Variants in CLEC17A observed in about 807,000 individuals in gnomAD.
CLEC17A encodes C-type lectin domain family 17, member A.
Under a neutral mutation model 61.3 loss-of-function variants are expected in CLEC17A, and 37 were observed. The observed-to-expected ratio is 0.60, with a 90% CI of 0.46 to 0.79. The LOEUF is 0.79. Ranked by LOEUF, CLEC17A falls within the 30% of genes least tolerant of loss-of-function variation. CLEC17A has a pLI of 0.00. For missense variants in CLEC17A, 418 were observed against 464.7 expected (o/e 0.90, Z 0.92); for synonymous variants, 168 against 164.9 (o/e 1.02, Z -0.14).
At chr19:14,581,377 G>C (rs1295199628), upstream of CLEC17A, among the ~76,000 whole-genome samples, 1 of 152,186 alleles carries the variant, frequency 6.6e-6, no homozygotes. Context: ...AGGCTGGAAT[G>C]CAGTGGCGAG....
chr19:14,591,268 C>A (rs2146683675), intron 3 of CLEC17A, among the ~76,000 whole-genome samples: 1 of 147,052 alleles, frequency 6.8e-6, no homozygotes, highest in South Asian at 2.2e-4. Flanking sequence ...CATTCTCCTG[C>A]CTCAGCCTCC....
At chr19:14,581,684 C>T (rs2074184178), upstream of CLEC17A, among the ~76,000 whole-genome samples, 3 of 151,364 alleles carry the variant, frequency 2.0e-5, no homozygotes, top group Non-Finnish European at 4.4e-5. Flanking sequence ...TGGAGTTTCA[C>T]TCTTGTTGCC....
intron 10 of CLEC17A, 23 bp downstream of exon 10, chr19:14,597,184 T>A: frequency 6.3e-7 from 1 of 1,591,172 alleles, no homozygotes. Flanking sequence ...AGTCATTCCT[T>A]CATGCCACTC....
rs185812554 is a variant in CLEC17A, at chr19:14,597,761, G to A, written c.646+600G>A. On this transcript the variant is annotated intron_variant, in intron 10 of 13. Transcript: ENST00000417570. Reference sequence around the variant, plus strand: ...GACATAGGCGCATGCCATCACACCCGGCTGGTTAAAAAATTTTTTTTTTGT... The same window carrying A: ...GACATAGGCGCATGCCATCACACCCAGCTGGTTAAAAAATTTTTTTTTTGT... Among the ~76,000 whole-genome samples the A allele has an allele frequency of 2.2e-4, 33 of 150,726 alleles. 1 individual carries two copies. The highest frequency in any genetic ancestry group is 7.5e-4 in the African/African-American group (30 of 40,116).
intron 4 of CLEC17A, among the ~76,000 whole-genome samples, chr19:14,592,750 C>T (rs1008702362): frequency 2.6e-5 from 4 of 152,036 alleles, no homozygotes; most frequent in Admixed American, 1.3e-4. Flanking sequence ...ACTGCAACCT[C>T]GCCTCCTGGG....
At chr19:14,596,092 C>T (rs1272920158) in intron 8 of CLEC17A, among the ~76,000 whole-genome samples, 1 of 2,640 alleles carries the variant, frequency 3.8e-4, no homozygotes, top group African/African-American at 3.1e-3. Flanking sequence ...TCCAGAAACT[C>T]AGGTATCTGC....
chr19:14,610,122 A>G lies in CLEC17A; in HGVS notation c.1063A>G (p.Lys355Glu), dbSNP rs760662849. The G allele has an allele frequency of 1.2e-6, 2 of 1,611,376 alleles. No individual in the cohort carries two copies. The highest frequency in any genetic ancestry group is 1.7e-6 in the Non-Finnish European group (2 of 1,178,688). Reference protein sequence around the residue: ...IHDEDCATMNKGGTWNDLSCY... With the variant: ...IHDEDCATMNEGGTWNDLSCY... ...CGATGAGGACTGTGCTACCATGAAC[A>G]AAGGTGGCACCTGGAATGATCTCTC... Residue 355 changes from lysine to glutamate, a missense_variant, in exon 14 of 14, where the codon AAA (lysine) becomes GAA (glutamate). Transcript: ENST00000417570.
At chr19:14,601,077 A>G (rs1444310124) in intron 12 of CLEC17A, among the ~76,000 whole-genome samples, 2 of 150,986 alleles carry the variant, frequency 1.3e-5, no homozygotes, top group Non-Finnish European at 2.9e-5. Context: ...TAACTTTTGT[A>G]TTATTAGTAG....
At chr19:14,600,891 C>CTTTTTTT in intron 12 of CLEC17A, among the ~76,000 whole-genome samples, 1 of 63,220 alleles carries the variant, frequency 1.6e-5, no homozygotes, top group Non-Finnish European at 3.0e-5. Flanking sequence ...GCTCGGCCTT[C>CTTTTTTT]TTTTTTTTTT....
At chr19:14,604,482 C>T (rs1387686682) in intron 12 of CLEC17A, among the ~76,000 whole-genome samples, 1 of 152,012 alleles carries the variant, frequency 6.6e-6, no homozygotes, top group African/African-American at 2.4e-5. Flanking sequence ...TGTTTAAAGT[C>T]GGCCGGCTGC....
At chr19:14,599,678 T>C in intron 10 of CLEC17A, 39 bp from the exon 11 acceptor site, 1 of 1,458,912 alleles carries the variant, frequency 6.9e-7, no homozygotes, top group African/African-American at 1.4e-5. Context: ...GTAGGATGGG[T>C]TCTCAGTCTG....
chr19:14,600,591 T>TC (rs1426372261), intron 12 of CLEC17A, among the ~76,000 whole-genome samples: 4 of 151,970 alleles, frequency 2.6e-5, no homozygotes, highest in African/African-American at 9.7e-5. Context: ...TCTTTTCTTT[T>TC]TTTTTTTTGA....
At chr19:14,601,169 C>T (rs185690838) in intron 12 of CLEC17A, among the ~76,000 whole-genome samples, 8 of 152,062 alleles carry the variant, frequency 5.3e-5, no homozygotes, top group East Asian at 3.9e-4. Context: ...TCCCAAAGTG[C>T]GGGGATTATA....
Position 14,593,373 on chromosome 19 carries a change from G to A in CLEC17A, c.277+1015G>A, listed in dbSNP as rs545052257. Among the ~76,000 whole-genome samples, 77 of 151,418 alleles carry A rather than the reference G, an allele frequency of 5.1e-4. 1 individual carries two copies. Among genetic ancestry groups the A allele is most frequent in the Non-Finnish European group, 2.2e-4 (15 of 67,918 alleles). ...AAAAAAAGGGAAGTTTGGGCCAGGC[G>A]TGGTGGCTCATGCTTGTAATTCTAG... On this transcript the variant is annotated intron_variant, in intron 4 of 13. Transcript: ENST00000417570.
At chr19:14,588,339 A>C (rs1446027559) in intron 3 of CLEC17A, 2 of 152,408 alleles carry the variant, frequency 1.3e-5, no homozygotes, top group African/African-American at 4.9e-5. Flanking sequence ...AAAAAAAAAA[A>C]AACAAGTAGA....
chr19:14,599,762 G>A lies in CLEC17A; in HGVS notation c.692G>A (p.Arg231His), dbSNP rs777637590. Reference protein sequence around the residue: ...GLAGLKHDIARVRADTNQSLV... With the variant: ...GLAGLKHDIAHVRADTNQSLV... ...GCTGGCCTGAAGCATGACATTGCCC[G>A]TGTAAGAGCTGACACCAACCAGTCC... Residue 231 changes from arginine to histidine, a missense_variant, in exon 11 of 14, where the codon CGT becomes CAT. Physicochemically the swap from Arg to His is conservative, Grantham distance 29. Coordinates refer to ENST00000417570, the MANE Select transcript of CLEC17A (RefSeq NM_001204118.2). The A allele has an allele frequency of 7.4e-6, 12 of 1,613,810 alleles. No individual in the cohort carries two copies. The highest frequency in any genetic ancestry group is 1.7e-5 in the Admixed American group (1 of 59,986).
chr19:14,605,158 C>T (rs902259127), intron 12 of CLEC17A, among the ~76,000 whole-genome samples: 28 of 150,952 alleles, frequency 1.9e-4, no homozygotes, highest in African/African-American at 4.9e-4. Flanking sequence ...AGTGCACTGT[C>T]GCGATCTCAG....
chr19:14,595,189 C>T, intron 7 of CLEC17A, 85 bp from the exon 8 acceptor site: 1 of 1,503,084 alleles, frequency 6.7e-7, no homozygotes, highest in African/African-American at 1.4e-5. Context: ...TAAATTCTGA[C>T]CAGAGAACAA....
chr19:14,591,136 A>T (rs1328685049), intron 3 of CLEC17A, among the ~76,000 whole-genome samples: 2 of 150,630 alleles, frequency 1.3e-5, no homozygotes, highest in South Asian at 2.1e-4. Flanking sequence ...CTGTTGTCAT[A>T]GTTTCTTCTT....
Sources: allele counts gnomAD v4.1 joint callset (sites outside exome capture counted in the v4.1 genomes callset), GRCh38; gene constraint gnomAD v4.1.1; transcripts MANE v1.5; gene names NCBI Gene and HGNC (gene_info 2026-07-23, HGNC 2026-07-21).